The following KDM4B variants were observed in gnomAD, a reference collection of about 807,000 sequenced individuals.
The protein encoded by KDM4B is lysine demethylase 4B, also known as lysine-specific demethylase 4B.
Under a neutral mutation model 125.2 loss-of-function variants are expected in KDM4B, and 32 were observed. The observed-to-expected ratio is 0.26, with a 90% CI of 0.19 to 0.34. KDM4B has a LOEUF of 0.34. Among genes scored for constraint, KDM4B ranks in the 10% least tolerant of loss-of-function variants. The pLI, the probability that KDM4B is intolerant of heterozygous loss-of-function variation, is 1.00. For missense variants in KDM4B, 1,190 were observed against 1,577.7 expected (o/e 0.75, Z 4.16); for synonymous variants, 721 against 677.9 (o/e 1.06, Z -0.99).
chr19:5,041,306 G>A, intron 5 of KDM4B, 55 bp downstream of exon 5: 4 of 1,367,378 alleles, frequency 2.9e-6, no homozygotes, highest in Non-Finnish European at 3.1e-6. Flanking sequence ...GGGTGGTGGT[G>A]GGAGGGCCCT....
intron 9 of KDM4B, among the ~76,000 whole-genome samples, chr19:5,107,965 C>T (rs931318518): frequency 3.3e-5 from 5 of 152,234 alleles, no homozygotes; most frequent in African/African-American, 7.2e-5. Flanking sequence ...TGCTCCCAGC[C>T]GCCACCTCCT....
intron 21 of KDM4B, among the ~76,000 whole-genome samples, chr19:5,146,758 C>CA (rs1266106314): frequency 1.5e-5 from 1 of 65,714 alleles, no homozygotes; most frequent in African/African-American, 6.6e-5. Context: ...GAGACCCCCC[C>CA]CCCCCCCACA....
intron 9 of KDM4B, among the ~76,000 whole-genome samples, chr19:5,107,988 G>C (rs944178294): frequency 6.6e-6 from 1 of 152,208 alleles, no homozygotes; most frequent in African/African-American, 2.4e-5. Flanking sequence ...CAGTCCAGCC[G>C]TGGGCAGCCT....
chr19:4,984,551 C>T (rs375358503), intron 1 of KDM4B, among the ~76,000 whole-genome samples: 2 of 152,130 alleles, frequency 1.3e-5, no homozygotes, highest in Non-Finnish European at 2.9e-5. Context: ...ACCAGGACTC[C>T]GCGTCTCTCC....
chr19:5,147,919 G>A (rs2039880245), intron 21 of KDM4B, among the ~76,000 whole-genome samples: 1 of 152,164 alleles, frequency 6.6e-6, no homozygotes, highest in Non-Finnish European at 1.5e-5. Context: ...GCTGTGTGGT[G>A]GCCAAGGAGA....
In KDM4B at chr19:5,082,580, C is replaced by T. The variant is rs1451121314; in HGVS notation, c.918+76C>T. The T allele has an allele frequency of 2.0e-6, 3 of 1,463,688 alleles. No homozygotes were observed. The highest frequency in any genetic ancestry group is 1.8e-6 in the Non-Finnish European group (2 of 1,097,262). 90.7% of individuals were successfully genotyped at this position (1,463,688 alleles called of 1,614,324 possible). On this transcript the variant is annotated intron_variant, in intron 9 of 22. Coordinates refer to ENST00000159111, the MANE Select transcript of KDM4B (RefSeq NM_015015.3). The surrounding 1 kb of genome is among the most constrained non-coding windows in gnomAD (Gnocchi z 5.4). ...TTTTTTGCCTCTGCAGCCACACGCC[C>T]ATAGCTGGTCCAGCAGCCGTTTCGC...
At chr19:5,088,809 T>A (rs2038595155) in intron 9 of KDM4B, among the ~76,000 whole-genome samples, 1 of 152,080 alleles carries the variant, frequency 6.6e-6, no homozygotes, top group Non-Finnish European at 1.5e-5. Context: ...AGGAAGAATG[T>A]GCATTGTTGG....
rs1021619217 is a variant in KDM4B at position 5,032,867 on chromosome 19, T to C, written c.-24T>C. The C allele has an allele frequency of 5.6e-6, 9 of 1,612,758 alleles. No homozygotes were observed. Among genetic ancestry groups the C allele is most frequent in the Admixed American group, 5.0e-5 (3 of 59,934 alleles). On this transcript the variant is annotated splice_region_variant and 5_prime_UTR_variant, in exon 3 of 23. Transcript: ENST00000159111. ...ACCCTCTCTCGTCTTCCTCCACAGG[T>C]GTGCTTCCCGCACAGCTGCAGCCAT...
In KDM4B at chr19:5,135,364, C is replaced by T; in HGVS notation, c.2111C>T (p.Pro704Leu). ...CQALQTEKEA[P>L]IASLGEGCPA... ...GCCCTACAGACTGAGAAGGAGGCAC[C>T]CATAGCCTCCCTCGGAGAGGGCTGC... Residue 704 changes from proline (P) to leucine (L), a missense_variant, in exon 15 of 23, where the codon CCC (proline) becomes CTC (leucine). Coordinates refer to ENST00000159111, the MANE Select transcript of KDM4B (RefSeq NM_015015.3). The T allele has an allele frequency of 1.2e-6, 2 of 1,612,552 alleles. No homozygotes were observed. The highest frequency in any genetic ancestry group is 1.7e-6 in the Non-Finnish European group (2 of 1,179,214).
At chr19:5,127,073 G>T (rs906559365) in intron 11 of KDM4B, among the ~76,000 whole-genome samples, 1 of 152,196 alleles carries the variant, frequency 6.6e-6, no homozygotes, top group African/African-American at 2.4e-5. Flanking sequence ...GTGAGCCCTG[G>T]TGGTGGGGTT....
At chr19:5,113,987 A>G (rs2039203956) in intron 10 of KDM4B, 1 of 1,248,736 alleles carries the variant, frequency 8.0e-7, no homozygotes, top group East Asian at 5.6e-5. Flanking sequence ...CCAGAACTAA[A>G]TCTCGTTGAG....
rs557040690 is a variant in KDM4B, at chr19:5,088,671, C to T, written c.918+6167C>T. On this transcript the variant is annotated intron_variant, in intron 9 of 22. Coordinates refer to ENST00000159111, the MANE Select transcript of KDM4B (RefSeq NM_015015.3). ...ACAGGCCAGGCCCCCCCCCTCCCCC[C>T]CCCCGCAAAAGAGCAGGTTGTGGTT... is the stretch of plus-strand genomic sequence containing the variant. 2.2e-3 allele frequency among the ~76,000 whole-genome samples: 322 copies of T among 145,720 alleles called. 1 individual carries two copies. Among genetic ancestry groups the T allele is most frequent in the African/African-American group, 7.7e-3 (307 of 39,816 alleles).
chr19:5,086,988 A>G (rs970590863), intron 9 of KDM4B, among the ~76,000 whole-genome samples: 4 of 152,240 alleles, frequency 2.6e-5, no homozygotes, highest in African/African-American at 9.6e-5. Context: ...CTTGGACCAG[A>G]GCCTCCGGGT....
intron 6 of KDM4B, among the ~76,000 whole-genome samples, chr19:5,069,162 G>A (rs1393817869): frequency 6.6e-6 from 1 of 152,228 alleles, no homozygotes; most frequent in Non-Finnish European, 1.5e-5. Flanking sequence ...GAGGACGACA[G>A]AGTTGAAGGT....
At chr19:5,007,100 C>T (rs185375836) in intron 1 of KDM4B, among the ~76,000 whole-genome samples, 1 of 152,318 alleles carries the variant, frequency 6.6e-6, no homozygotes, top group East Asian at 1.9e-4. Context: ...TGGGGGAGGG[C>T]CCTGTCCCCA....
At chr19:5,049,999 C>G (rs529050383) in intron 6 of KDM4B, among the ~76,000 whole-genome samples, 4 of 152,136 alleles carry the variant, frequency 2.6e-5, no homozygotes, top group Non-Finnish European at 5.9e-5. Context: ...GGAGATGCTT[C>G]CCCCCTCTCC....
At chr19:4,983,320 C>T (rs1049969411) in intron 1 of KDM4B, among the ~76,000 whole-genome samples, 1 of 152,120 alleles carries the variant, frequency 6.6e-6, no homozygotes, top group Non-Finnish European at 1.5e-5. Context: ...TTCCTCCCAC[C>T]CTCCCAATCC....
At chr19:4,976,441 C>T (rs1292501917) in intron 1 of KDM4B, among the ~76,000 whole-genome samples, 4 of 152,132 alleles carry the variant, frequency 2.6e-5, no homozygotes, top group Non-Finnish European at 4.4e-5. Flanking sequence ...GGGATTCACG[C>T]GGCTGCCTTT....
chr19:4,985,052 G>A (rs1414122569), intron 1 of KDM4B, among the ~76,000 whole-genome samples: 1 of 152,158 alleles, frequency 6.6e-6, no homozygotes, highest in African/African-American at 2.4e-5. Context: ...GCTGGGCACG[G>A]TGGCTCCCGC....
Sources: allele counts gnomAD v4.1 joint callset (sites outside exome capture counted in the v4.1 genomes callset), GRCh38; gene constraint gnomAD v4.1.1; non-coding constraint Gnocchi (gnomAD v3.1); transcripts MANE v1.5; gene names NCBI Gene and HGNC (gene_info 2026-07-23, HGNC 2026-07-21).